The following RNF166 variants were observed in gnomAD, a reference collection of about 807,000 sequenced individuals.
The protein encoded by RNF166 is E3 ubiquitin-protein ligase RNF166.
In RNF166, 19 loss-of-function variants were observed where a neutral mutation model predicts 29.4. That is an observed-to-expected ratio of 0.65 (90% CI 0.45 to 0.95). RNF166 has a LOEUF of 0.95. Ranked by LOEUF, RNF166 falls within the 40% of genes least tolerant of loss-of-function variation. RNF166 has a pLI of 0.00. For missense variants in RNF166, 347 were observed against 322.1 expected (o/e 1.08, Z -0.59); for synonymous variants, 171 against 134.5 (o/e 1.27, Z -1.88).
chr16:88,701,538 C>T, intron 1 of RNF166, 120 bp from the exon 2 acceptor site: 1 of 928,368 alleles, frequency 1.1e-6, no homozygotes. Context: ...GCTCCCCCTA[C>T]CGCTGTCGCC....
chr16:88,698,878 C>T, intron 4 of RNF166, 93 bp downstream of exon 4: 1 of 1,040,696 alleles, frequency 9.6e-7, no homozygotes, highest in Non-Finnish European at 1.4e-6. Context: ...GCCTGGGCAC[C>T]CCCGGACTCG....
chr16:88,698,724 C>T, intron 4 of RNF166, 115 bp from the exon 5 acceptor site: 1 of 804,548 alleles, frequency 1.2e-6, no homozygotes, highest in Non-Finnish European at 1.9e-6. Flanking sequence ...TGGGAAGGCA[C>T]CCCAGACCTG....
chr16:88,703,710 A>T, intron 1 of RNF166: 3 of 985,430 alleles, frequency 3.0e-6, no homozygotes, highest in Non-Finnish European at 3.6e-6. Context: ...GCTGAGGGCG[A>T]TGGGTGTGGG....
At chr16:88,704,443 A>G (rs957345846) in intron 1 of RNF166, 5 of 985,410 alleles carry the variant, frequency 5.1e-6, no homozygotes, top group Non-Finnish European at 6.0e-6. Flanking sequence ...ATGCTCCACA[A>G]TTCCATGTGG....
intron 1 of RNF166, chr16:88,704,606 C>G: frequency 1.0e-6 from 1 of 973,518 alleles, no homozygotes; most frequent in Non-Finnish European, 1.2e-6. Flanking sequence ...GGAGGCTTTT[C>G]TAAAACAAGG....
intron 1 of RNF166, among the ~76,000 whole-genome samples, chr16:88,705,717 G>T (rs1243072084): frequency 1.3e-5 from 2 of 152,250 alleles, no homozygotes; most frequent in Non-Finnish European, 2.9e-5. Context: ...CCTTTCCTCT[G>T]TAGTCAAAAC....
chr16:88,696,795 T>C lies in RNF166; in HGVS notation c.*773A>G, dbSNP rs1376743790. The C allele has an allele frequency of 1.7e-5, 6 of 358,974 alleles. No individual in the cohort carries two copies. Among genetic ancestry groups the C allele is most frequent in the Non-Finnish European group, 3.2e-5 (6 of 185,218 alleles). 22.2% of individuals were successfully genotyped at this position (358,974 alleles called of 1,614,324 possible). On this transcript the variant is annotated 3_prime_UTR_variant, in exon 6 of 6. Transcript: ENST00000312838. ...TGGCTGGGGTGCTGGGATTTCTTCC[T>C]GGTCATCAAAGAGAAACGTACAAAC...
intron 2 of RNF166, chr16:88,700,899 G>C: frequency 5.3e-6 from 6 of 1,135,418 alleles, no homozygotes; most frequent in Non-Finnish European, 6.5e-6. Flanking sequence ...TGTGACCTTG[G>C]AGCCCCCAGC....
intron 1 of RNF166, chr16:88,704,253 G>C: frequency 2.0e-6 from 2 of 985,466 alleles, no homozygotes; most frequent in Non-Finnish European, 2.4e-6. Flanking sequence ...ACACCAACAA[G>C]AAACAAAGTT....
intron 2 of RNF166, chr16:88,700,931 C>G: frequency 5.1e-6 from 6 of 1,170,054 alleles, no homozygotes; most frequent in Non-Finnish European, 4.3e-6. Flanking sequence ...TATCGGCTGG[C>G]AGGGGAAGGC....
intron 4 of RNF166, 91 bp from the exon 5 acceptor site, chr16:88,698,700 G>T: frequency 9.8e-7 from 1 of 1,018,854 alleles, no homozygotes; most frequent in Non-Finnish European, 1.4e-6. Context: ...AGCCCCGTCA[G>T]TGCTGCCTCA....
In RNF166 at chr16:88,699,574, A is replaced by T. The variant is rs369283666; in HGVS notation, c.425+46T>A. ...CACTGCGCTTGCTCCCAGAACGAGGAAACCGCCGAGGACAGTTCCTCTCCC... is the reference window on the plus strand; with the variant it reads ...CACTGCGCTTGCTCCCAGAACGAGGTAACCGCCGAGGACAGTTCCTCTCCC... On this transcript the variant is annotated intron_variant, in intron 3 of 5. Transcript: ENST00000312838. 1.1e-4 allele frequency: 159 copies of T among 1,484,908 alleles called. No individual in the cohort carries two copies. In the African/African-American group the frequency reaches 2.0e-3, roughly 18 times the overall value. The allele number at this position is 1,484,908 out of a possible 1,614,324, so 92.0% of individuals were successfully genotyped here.
intron 1 of RNF166, chr16:88,703,749 C>G (rs547483269): frequency 1.0e-6 from 1 of 985,470 alleles, no homozygotes; most frequent in Non-Finnish European, 1.2e-6. Flanking sequence ...AAGGGAGGGG[C>G]GATCGCGCAC....
Position 88,701,526 on chromosome 16 carries a change from C to T in RNF166, c.156-108G>A, listed in dbSNP as rs1161207436. The T allele has an allele frequency of 6.5e-6, 7 of 1,079,120 alleles. No homozygotes were observed. In the East Asian group the frequency reaches 8.1e-5, roughly 13 times the overall value. 66.8% of individuals were successfully genotyped at this position (1,079,120 alleles called of 1,614,324 possible). A position where few individuals can be genotyped will look rare whatever the true frequency, so the allele number is the denominator to read the frequency against. On this transcript the variant is annotated intron_variant, in intron 1 of 5. Coordinates refer to ENST00000312838, the MANE Select transcript of RNF166 (RefSeq NM_178841.4). The stretch of plus-strand genomic sequence containing the variant: ...CCAGCATTTGTGGGGTCCACAGGGG[C>T]AGCTCCCCCTACCGCTGTCGCCGTC...
chr16:88,698,811 C>T (rs1217526667), intron 4 of RNF166, among the ~76,000 whole-genome samples, 160 bp downstream of exon 4: 2 of 152,178 alleles, frequency 1.3e-5, no homozygotes, highest in Non-Finnish European at 2.9e-5. Flanking sequence ...CCCCGGTTTC[C>T]GCCAGGTGCT....
In RNF166 at chr16:88,696,804, A is replaced by G. The variant is rs2142962294; in HGVS notation, c.*764T>C. Reference sequence around the variant, plus strand: ...TGCTGGGATTTCTTCCTGGTCATCAAAGAGAAACGTACAAACCTCAAGGAC... The same window carrying G: ...TGCTGGGATTTCTTCCTGGTCATCAGAGAGAAACGTACAAACCTCAAGGAC... On this transcript the variant is annotated 3_prime_UTR_variant, in exon 6 of 6. Coordinates refer to ENST00000312838, the MANE Select transcript of RNF166 (RefSeq NM_178841.4). The G allele has an allele frequency of 2.8e-6, 1 of 353,712 alleles. No homozygotes were observed. The highest frequency in any genetic ancestry group is 4.3e-5 in the Admixed American group (1 of 23,084). The allele number at this position is 353,712 out of a possible 1,614,324, so 21.9% of individuals were successfully genotyped here.
intron 5 of RNF166, 89 bp from the exon 6 acceptor site, chr16:88,697,722 C>G: frequency 1.1e-6 from 1 of 939,092 alleles, no homozygotes; most frequent in Non-Finnish European, 1.7e-6. Flanking sequence ...GCGTGTCCAC[C>G]CTTCCTGCCT....
chr16:88,700,804 G>A, intron 2 of RNF166: 1 of 1,043,442 alleles, frequency 9.6e-7, no homozygotes, highest in Non-Finnish European at 1.2e-6. Context: ...TGTGGGTGTG[G>A]CAGTGCCCAT....
At chr16:88,702,944 A>C (rs1475634056) in intron 1 of RNF166, 25 of 985,362 alleles carry the variant, frequency 2.5e-5, no homozygotes, top group Non-Finnish European at 2.7e-5. Context: ...TCAGGCACTC[A>C]TGGCAGGAGA....
Sources: gnomAD v4.1 joint callset for allele counts (sites outside exome capture counted in the v4.1 genomes callset) on GRCh38, gnomAD v4.1.1 for gene constraint, MANE v1.5 for transcripts, NCBI Gene and HGNC (gene_info 2026-07-23, HGNC 2026-07-21) for gene names.